The following CTNNBL1 variants were observed in gnomAD, a reference collection of about 807,000 sequenced individuals.
The protein encoded by CTNNBL1 is catenin beta like 1.
CTNNBL1 carries 31 observed loss-of-function variants against 72.7 expected under a neutral mutation model. The observed-to-expected ratio is 0.43, with a 90% CI of 0.32 to 0.58. CTNNBL1 has a LOEUF of 0.58. Ranked by LOEUF, CTNNBL1 falls within the 20% of genes least tolerant of loss-of-function variation. CTNNBL1 has a pLI of 0.08. For missense variants in CTNNBL1, 534 were observed against 725.1 expected (o/e 0.74, Z 3.03); for synonymous variants, 240 against 267.3 (o/e 0.90, Z 1.00).
chr20:37,861,369 C>T (rs1448770259), intron 15 of CTNNBL1, among the ~76,000 whole-genome samples: 1 of 152,246 alleles, frequency 6.6e-6, no homozygotes, highest in African/African-American at 2.4e-5. Flanking sequence ...AATGCAGCCC[C>T]ACCGTCAGCC....
intron 10 of CTNNBL1, among the ~76,000 whole-genome samples, chr20:37,797,767 T>G (rs187608084): frequency 2.2e-4 from 34 of 152,310 alleles, no homozygotes; most frequent in Admixed American, 2.0e-3. Flanking sequence ...ATCTTTCTTA[T>G]ACACAAAAGT....
chr20:37,855,029 A>T (rs1233903431), intron 13 of CTNNBL1, among the ~76,000 whole-genome samples: 1 of 151,698 alleles, frequency 6.6e-6, no homozygotes, highest in Non-Finnish European at 1.5e-5. Context: ...TATTATCCAG[A>T]CTGCCTCACG....
chr20:37,832,920 T>C (rs2072223680), intron 11 of CTNNBL1, among the ~76,000 whole-genome samples: 1 of 152,080 alleles, frequency 6.6e-6, no homozygotes, highest in South Asian at 2.1e-4. Context: ...AGACCTCTGA[T>C]TTGGGTGTAC....
At chr20:37,719,826 T>C (rs967951849) in intron 1 of CTNNBL1, among the ~76,000 whole-genome samples, 3 of 151,846 alleles carry the variant, frequency 2.0e-5, no homozygotes, top group African/African-American at 7.2e-5. Context: ...TTTTTCTTTT[T>C]TTATTTTTCT....
chr20:37,868,922 G>A (rs1049195294), intron 15 of CTNNBL1, among the ~76,000 whole-genome samples: 5 of 152,086 alleles, frequency 3.3e-5, no homozygotes, highest in Non-Finnish European at 7.4e-5. Flanking sequence ...CCATGCCTCC[G>A]GGGATATTAG....
chr20:37,719,190 C>G (rs148933799), intron 1 of CTNNBL1, among the ~76,000 whole-genome samples: 3 of 152,272 alleles, frequency 2.0e-5, no homozygotes, highest in African/African-American at 7.2e-5. Context: ...AGAATTTACC[C>G]TAATGGCCCA....
intron 10 of CTNNBL1, among the ~76,000 whole-genome samples, chr20:37,787,024 G>A (rs143592366): frequency 7.9e-5 from 12 of 151,086 alleles, no homozygotes; most frequent in South Asian, 2.1e-4. Context: ...AACATATTCC[G>A]TTCTTTTCTG....
chr20:37,730,349 T>C (rs2073118713), intron 1 of CTNNBL1, among the ~76,000 whole-genome samples: 1 of 152,218 alleles, frequency 6.6e-6, no homozygotes, highest in Admixed American at 6.5e-5. Flanking sequence ...AACACAAATG[T>C]TTTGTTGGAG....
chr20:37,737,259 A>G (rs1568757411), intron 2 of CTNNBL1, 119 bp from the exon 3 acceptor site: 7 of 724,266 alleles, frequency 9.7e-6, no homozygotes, highest in African/African-American at 8.8e-5. Context: ...TGTACTGTAC[A>G]TTGAACCCAG....
chr20:37,761,047 G>A (rs1379884356), intron 5 of CTNNBL1, among the ~76,000 whole-genome samples: 1 of 151,982 alleles, frequency 6.6e-6, no homozygotes, highest in African/African-American at 2.4e-5. Flanking sequence ...ATTGAAAACA[G>A]CTATGAGAGG....
chr20:37,799,569 C>T (rs1376234085), intron 10 of CTNNBL1, among the ~76,000 whole-genome samples: 1 of 152,166 alleles, frequency 6.6e-6, no homozygotes, highest in Non-Finnish European at 1.5e-5. Flanking sequence ...TGACTTCTCC[C>T]AAGGCAAATT....
chr20:37,863,686 G>A (rs770632478), intron 15 of CTNNBL1, among the ~76,000 whole-genome samples: 15 of 152,096 alleles, frequency 9.9e-5, no homozygotes, highest in Non-Finnish European at 2.1e-4. Context: ...GTTCTCCTAG[G>A]TGCACAGTGA....
intron 13 of CTNNBL1, among the ~76,000 whole-genome samples, chr20:37,844,063 C>G (rs1313415322): frequency 6.6e-6 from 1 of 152,176 alleles, no homozygotes; most frequent in Non-Finnish European, 1.5e-5. Context: ...GAAGGACACT[C>G]AGTGGTTGTT....
chr20:37,694,628 C>T (rs931846087), intron 1 of CTNNBL1, among the ~76,000 whole-genome samples: 4 of 152,142 alleles, frequency 2.6e-5, no homozygotes, highest in Admixed American at 2.6e-4. Context: ...TAATAACTGC[C>T]TTAGTAGGGT....
chr20:37,789,122 G>C (rs2073702963), intron 10 of CTNNBL1, among the ~76,000 whole-genome samples: 1 of 152,138 alleles, frequency 6.6e-6, no homozygotes, highest in African/African-American at 2.4e-5. Context: ...AAAAGAAAAG[G>C]AATTTCTCAT....
chr20:37,848,421 GC>G (rs1428267375), intron 13 of CTNNBL1, among the ~76,000 whole-genome samples: 1 of 152,052 alleles, frequency 6.6e-6, no homozygotes, highest in Admixed American at 6.5e-5. Flanking sequence ...CTCCCAAAGT[GC>G]TGGAGTTACA....
chr20:37,791,719 A>G (rs1479650510), intron 10 of CTNNBL1, among the ~76,000 whole-genome samples: 3 of 152,214 alleles, frequency 2.0e-5, no homozygotes, highest in African/African-American at 7.2e-5. Context: ...AGATTCTCAT[A>G]GGAGTGCAGA....
chr20:37,712,867 G>A (rs186577238), intron 1 of CTNNBL1, among the ~76,000 whole-genome samples: 14 of 152,334 alleles, frequency 9.2e-5, no homozygotes, highest in South Asian at 6.2e-4. Context: ...CAGAAGTGCC[G>A]TTGGTGGGCA....
intron 10 of CTNNBL1, among the ~76,000 whole-genome samples, chr20:37,797,735 C>T (rs1386214389): frequency 6.6e-6 from 1 of 152,140 alleles, no homozygotes; most frequent in Admixed American, 6.5e-5. Flanking sequence ...CTGTTACTGT[C>T]CAACACACTG....
Sources: gnomAD v4.1 joint callset for allele counts (sites outside exome capture counted in the v4.1 genomes callset) on GRCh38, gnomAD v4.1.1 for gene constraint, MANE v1.5 for transcripts, NCBI Gene and HGNC (gene_info 2026-07-23, HGNC 2026-07-21) for gene names.